Variants in UBASH3B observed in about 807,000 individuals in gnomAD.
The protein encoded by UBASH3B is ubiquitin-associated and SH3 domain-containing protein B.
UBASH3B carries 37 observed loss-of-function variants against 83.4 expected under a neutral mutation model. The observed-to-expected ratio is 0.44, with a 90% CI of 0.34 to 0.58. UBASH3B has a LOEUF of 0.58. UBASH3B is among the 20% of genes least tolerant of loss of function. The pLI, the probability that UBASH3B is intolerant of heterozygous loss-of-function variation, is 0.01. For missense variants in UBASH3B, 657 were observed against 827.2 expected, an observed-to-expected ratio of 0.79 and a Z score of 2.52; for synonymous variants, 304 against 318.3, an observed-to-expected ratio of 0.96 and a Z score of 0.48.
intron 5 of UBASH3B, among the ~76,000 whole-genome samples, chr11:122,784,923 C>A (rs1483817964): frequency 6.6e-6 from 1 of 152,062 alleles, no homozygotes; most frequent in African/African-American, 2.4e-5. Context: ...CCTAGAGTCA[C>A]GTAGAACGAA....
intron 1 of UBASH3B, chr11:122,775,730 C>T (rs10790532): frequency 0.96 from 147,957 of 153,348 alleles, 71,636 homozygotes; most frequent in Middle Eastern, 1. Context: ...ACAATCATCA[C>T]ATCACTGCAC....
At chr11:122,738,188 A>G (rs1860965425) in intron 1 of UBASH3B, among the ~76,000 whole-genome samples, 1 of 151,974 alleles carries the variant, frequency 6.6e-6, no homozygotes, top group African/African-American at 2.4e-5. Flanking sequence ...TAGACCAGTT[A>G]TTTACACTGA....
intron 1 of UBASH3B, among the ~76,000 whole-genome samples, chr11:122,714,206 G>A (rs1006162302): frequency 3.3e-5 from 5 of 152,110 alleles, no homozygotes; most frequent in African/African-American, 9.7e-5. Context: ...GCTCATATTG[G>A]GATTCCCCTA....
At chr11:122,791,201 G>A (rs184518681) in intron 6 of UBASH3B, among the ~76,000 whole-genome samples, 1 of 152,314 alleles carries the variant, frequency 6.6e-6, no homozygotes, top group East Asian at 1.9e-4. Context: ...CTCAAAGTAG[G>A]TAAATAAGTT....
chr11:122,678,814 A>T (rs1051932383), intron 1 of UBASH3B, among the ~76,000 whole-genome samples: 2 of 152,134 alleles, frequency 1.3e-5, no homozygotes, highest in African/African-American at 4.8e-5. Context: ...GAGCAAAGGA[A>T]CCGCGTACCA....
chr11:122,721,106 G>A (rs1019263707), intron 1 of UBASH3B, among the ~76,000 whole-genome samples: 3 of 151,990 alleles, frequency 2.0e-5, no homozygotes, highest in Non-Finnish European at 2.9e-5. Context: ...TTAGCCAGGC[G>A]TGGTGGCGTG....
At chr11:122,741,814 C>T (rs183538603) in intron 1 of UBASH3B, among the ~76,000 whole-genome samples, 2 of 152,298 alleles carry the variant, frequency 1.3e-5, no homozygotes, top group East Asian at 3.9e-4. Context: ...CTTCCCCCCT[C>T]CCTCCCACGG....
At chr11:122,778,202 T>TA (rs1235938417) in intron 3 of UBASH3B, among the ~76,000 whole-genome samples, 1 of 152,210 alleles carries the variant, frequency 6.6e-6, no homozygotes, top group Non-Finnish European at 1.5e-5. Flanking sequence ...CTTCCCCAGA[T>TA]ATATTCTCTC....
At chr11:122,707,933 G>A (rs923501083) in intron 1 of UBASH3B, among the ~76,000 whole-genome samples, 3 of 152,144 alleles carry the variant, frequency 2.0e-5, no homozygotes, top group African/African-American at 2.4e-5. Context: ...GACCTCAGGC[G>A]ATCCATCTGC....
At position 122,744,202 on chromosome 11, in the gene UBASH3B, G is replaced by T. The variant is rs541226853; in HGVS notation, c.162-32017G>T. 1.3e-4 allele frequency among the ~76,000 whole-genome samples: 20 copies of T among 152,280 alleles called. No individual in the cohort carries two copies. The South Asian group carries it at 2.9e-3, about 22-fold the overall frequency. The stretch of plus-strand genomic sequence containing the variant: ...ATAGATGGAAAATGTGAGTACTGCC[G>T]CTTGAATGGCTCAGGCTGTGTGTGT... On this transcript the variant is annotated intron_variant, in intron 1 of 13. Coordinates refer to ENST00000284273, the MANE Select transcript of UBASH3B (RefSeq NM_032873.5).
intron 1 of UBASH3B, 67 bp downstream of exon 1, chr11:122,656,277 C>G: frequency 7.7e-7 from 1 of 1,295,982 alleles, no homozygotes; most frequent in Admixed American, 4.1e-5. Context: ...CGGCTTCGCT[C>G]CGGCTCGCCT....
chr11:122,744,808 G>A (rs758321444), intron 1 of UBASH3B, among the ~76,000 whole-genome samples: 17 of 152,018 alleles, frequency 1.1e-4, no homozygotes, highest in Admixed American at 3.9e-4. Flanking sequence ...CTGTGTGATC[G>A]TGTGTGATTA....
intron 1 of UBASH3B, among the ~76,000 whole-genome samples, chr11:122,755,450 C>T (rs1479454090): frequency 5.3e-5 from 8 of 152,008 alleles, no homozygotes; most frequent in African/African-American, 9.7e-5. Flanking sequence ...AGGGAACAAC[C>T]GGGACAGGAG....
chr11:122,746,373 G>T (rs1000522426), intron 1 of UBASH3B, among the ~76,000 whole-genome samples: 1 of 152,216 alleles, frequency 6.6e-6, no homozygotes, highest in Admixed American at 6.5e-5. Context: ...CAAGTGGAAG[G>T]TTGCTTCAGC....
chr11:122,717,202 A>G (rs1217958235), intron 1 of UBASH3B, among the ~76,000 whole-genome samples: 1 of 152,164 alleles, frequency 6.6e-6, no homozygotes, highest in Non-Finnish European at 1.5e-5. Flanking sequence ...TAAGAAAGCA[A>G]GGCCCAGAGA....
At chr11:122,730,359 C>T (rs886134003) in intron 1 of UBASH3B, among the ~76,000 whole-genome samples, 6 of 152,022 alleles carry the variant, frequency 3.9e-5, no homozygotes, top group Non-Finnish European at 8.8e-5. Context: ...CCATGTGTCC[C>T]CTAAGAGACC....
intron 1 of UBASH3B, among the ~76,000 whole-genome samples, chr11:122,683,243 A>AC (rs1237180096): frequency 6.6e-6 from 1 of 150,434 alleles, no homozygotes; most frequent in Non-Finnish European, 1.5e-5. Context: ...TTGTTTCAAA[A>AC]AAAAAAAAAA....
intron 1 of UBASH3B, among the ~76,000 whole-genome samples, chr11:122,720,578 C>G (rs1301970441): frequency 2.0e-5 from 3 of 152,172 alleles, no homozygotes; most frequent in Non-Finnish European, 4.4e-5. Flanking sequence ...CCCTTGCTAC[C>G]TCTCTGAATC....
intron 1 of UBASH3B, among the ~76,000 whole-genome samples, chr11:122,702,219 T>C (rs1864048225): frequency 6.6e-6 from 1 of 152,172 alleles, no homozygotes; most frequent in African/African-American, 2.4e-5. Flanking sequence ...ACCGAATTAT[T>C]TGCTTTAGTA....
Sources: gnomAD v4.1 joint callset for allele counts (sites outside exome capture counted in the v4.1 genomes callset) on GRCh38, gnomAD v4.1.1 for gene constraint, MANE v1.5 for transcripts, NCBI Gene and HGNC (gene_info 2026-07-23, HGNC 2026-07-21) for gene names.